SLC40A1: variants seen among roughly 807,000 people sequenced by gnomAD.
SLC40A1 encodes the protein solute carrier family 40 member 1.
A neutral mutation model predicts 53.5 loss-of-function variants in SLC40A1; 16 were observed. The observed-to-expected ratio is 0.30, with a 90% confidence interval of 0.20 to 0.45. The LOEUF is 0.45. SLC40A1 is among the 20% of genes least tolerant of loss of function. The pLI is 1.00. For missense variants in SLC40A1, 545 were observed against 695.4 expected (o/e 0.78, Z 2.43); for synonymous variants, 247 against 253.2 (o/e 0.98, Z 0.23).
At chr2:189,563,546 C>T (rs1270438670) in intron 7 of SLC40A1, 38 bp downstream of exon 7, 1 of 1,577,914 alleles carries the variant, frequency 6.3e-7, no homozygotes, top group African/African-American at 1.4e-5. Flanking sequence ...TACAAAAAGA[C>T]ACTTTAGTTC....
At position 189,564,368 on chromosome 2, in the gene SLC40A1, A is replaced by G. The variant is rs114249842; in HGVS notation, c.761-143T>C. The G allele has an allele frequency of 1.8e-3, 1,178 of 648,324 alleles. 13 individuals are homozygous for G. The African/African-American group carries it at 0.019, about 11-fold the overall frequency. The allele number at this position is 648,324 out of a possible 1,614,324, so 40.2% of individuals were successfully genotyped here. A position where few individuals can be genotyped will look rare whatever the true frequency, so the allele number is the denominator to read the frequency against. On this transcript the variant is annotated intron_variant, in intron 6 of 7. Coordinates refer to ENST00000261024, the MANE Select transcript of SLC40A1 (RefSeq NM_014585.6). ...TTGTAATATGTATTTTCTTTTACTA[A>G]TAATCTAAGAATTCCAGCCAAGGAA...
chr2:189,563,246 G>A (rs2030811090), intron 7 of SLC40A1, among the ~76,000 whole-genome samples: 1 of 145,804 alleles, frequency 6.9e-6, no homozygotes, highest in African/African-American at 2.6e-5. Flanking sequence ...CTGCACTCCA[G>A]CCTGGGTAAC....
chr2:189,563,116 CAT>C (rs1431814331), intron 7 of SLC40A1, among the ~76,000 whole-genome samples: 2 of 151,358 alleles, frequency 1.3e-5, no homozygotes, highest in Non-Finnish European at 2.9e-5. Flanking sequence ...CTCTACAAAA[CAT>C]ACAAAAATTA....
chr2:189,568,182 A>G (rs2030995003), intron 5 of SLC40A1, among the ~76,000 whole-genome samples: 1 of 151,496 alleles, frequency 6.6e-6, no homozygotes, highest in Non-Finnish European at 1.5e-5. Flanking sequence ...AGAATGGATA[A>G]TTAAAAAAAA....
Sources: gnomAD v4.1 joint callset for allele counts (sites outside exome capture counted in the v4.1 genomes callset) on GRCh38, gnomAD v4.1.1 for gene constraint, MANE v1.5 for transcripts, NCBI Gene and HGNC (gene_info 2026-07-23, HGNC 2026-07-21) for gene names.